The following NHSL1 variants were observed in gnomAD, a reference collection of about 807,000 sequenced individuals.
NHSL1 encodes the protein NHS-like protein 1.
A neutral mutation model predicts 95.0 loss-of-function variants in NHSL1; 48 were observed. That is an observed-to-expected ratio of 0.51 (90% confidence interval 0.40 to 0.64). The LOEUF (loss-of-function observed/expected upper bound fraction) is 0.64. Among genes scored for constraint, NHSL1 ranks in the 30% least tolerant of loss-of-function variants. The pLI, the probability that NHSL1 is intolerant of heterozygous loss-of-function variation, is 0.00. For synonymous variants in NHSL1, 783 were observed against 833.9 expected, an observed-to-expected ratio of 0.94 and a Z score of 1.05; for missense variants, 1,971 against 2,077.7, an observed-to-expected ratio of 0.95 and a Z score of 1.00.
chr6:138,581,619 G>A (rs912912313), intron 1 of NHSL1, among the ~76,000 whole-genome samples: 1 of 147,874 alleles, frequency 6.8e-6, no homozygotes, highest in African/African-American at 2.5e-5. Context: ...TTGAACACAG[G>A]AGACTGAGAT....
intron 1 of NHSL1, among the ~76,000 whole-genome samples, chr6:138,604,332 G>A (rs1231490473): frequency 6.6e-6 from 1 of 152,214 alleles, no homozygotes; most frequent in African/African-American, 2.4e-5. Flanking sequence ...CCATGTATGA[G>A]AAGTAATCAT....
intron 5 of NHSL1, among the ~76,000 whole-genome samples, chr6:138,437,445 C>CACACAAAAAA (rs1434317225): frequency 1.8e-4 from 11 of 61,810 alleles, no homozygotes; most frequent in African/African-American, 6.9e-4. Flanking sequence ...CACACACACA[C>CACACAAAAAA]AAAAAAAAAA....
chr6:138,589,231 G>A (rs962054324), intron 1 of NHSL1, among the ~76,000 whole-genome samples: 2 of 152,192 alleles, frequency 1.3e-5, no homozygotes, highest in African/African-American at 2.4e-5. Flanking sequence ...GCGTTCATGG[G>A]ACAGTATGGG....
chr6:138,504,014 T>C (rs1296640437), upstream of NHSL1, among the ~76,000 whole-genome samples: 6 of 152,060 alleles, frequency 3.9e-5, no homozygotes, highest in African/African-American at 1.4e-4. Flanking sequence ...GAGGACTGCT[T>C]GAGGCCAGGT....
intron 3 of NHSL1, among the ~76,000 whole-genome samples, chr6:138,458,373 CGT>C (rs1777760191): frequency 6.6e-6 from 1 of 152,158 alleles, no homozygotes; most frequent in Admixed American, 6.5e-5. Flanking sequence ...CTTCCTTAGT[CGT>C]CTCTCTCCTC....
intron 3 of NHSL1, among the ~76,000 whole-genome samples, chr6:138,458,853 A>AAAAAC (rs1480087893): frequency 2.0e-5 from 3 of 150,502 alleles, no homozygotes; most frequent in African/African-American, 7.4e-5. Flanking sequence ...AAAAAAAAAA[A>AAAAAC]CCCAGAAAAA....
chr6:138,433,749 C>G, intron 5 of NHSL1, 69 bp from the exon 6 acceptor site: 1 of 1,388,246 alleles, frequency 7.2e-7, no homozygotes, highest in Non-Finnish European at 9.4e-7. Context: ...TGTACCCTCA[C>G]CCCTCTGACA....
chr6:138,573,182 C>A (rs1473958503), upstream of NHSL1, among the ~76,000 whole-genome samples: 4 of 152,212 alleles, frequency 2.6e-5, no homozygotes, highest in African/African-American at 9.7e-5. Context: ...TAGCTGCAGG[C>A]TCTAGCCCTG....
At chr6:138,525,304 C>T (rs1781853472) in intron 1 of NHSL1, among the ~76,000 whole-genome samples, 1 of 151,962 alleles carries the variant, frequency 6.6e-6, no homozygotes, top group African/African-American at 2.4e-5. Flanking sequence ...AGTGTACACA[C>T]TTCTTGAGCC....
intron 1 of NHSL1, among the ~76,000 whole-genome samples, chr6:138,511,249 G>A (rs915196684): frequency 2.0e-5 from 3 of 152,100 alleles, no homozygotes; most frequent in East Asian, 1.9e-4. Context: ...AGGCTTCCTC[G>A]TGTACCTAAC....
At chr6:138,568,792 T>C (rs1035644070) in intron 1 of NHSL1, among the ~76,000 whole-genome samples, 2 of 152,194 alleles carry the variant, frequency 1.3e-5, no homozygotes, top group Non-Finnish European at 2.9e-5. Flanking sequence ...AAAAAGATTC[T>C]CAAAAGAAAA....
chr6:138,422,289 A>T lies in NHSL1; in HGVS notation c.*1792T>A, dbSNP rs181413617. 6.6e-6 allele frequency: 1 copy of T among 152,366 alleles called. No individual in the cohort carries two copies. Among genetic ancestry groups the T allele is most frequent in the African/African-American group, 2.4e-5 (1 of 41,576 alleles). 9.4% of individuals were successfully genotyped at this position (152,366 alleles called of 1,614,324 possible). On this transcript the variant is annotated 3_prime_UTR_variant, in exon 8 of 8. Coordinates refer to ENST00000343505, the MANE Select transcript of NHSL1 (RefSeq NM_001144060.2). ...AAAGAAACGATCTTTGTGCCAAATTAGTAGACAATTGCTCCAAATCTCTGG... is the reference window on the plus strand; with the variant it reads ...AAAGAAACGATCTTTGTGCCAAATTTGTAGACAATTGCTCCAAATCTCTGG...
At chr6:138,445,661 G>A (rs1157173718) in intron 4 of NHSL1, among the ~76,000 whole-genome samples, 7 of 151,804 alleles carry the variant, frequency 4.6e-5, no homozygotes, top group African/African-American at 7.3e-5. Context: ...AAAAATCTTC[G>A]GTGACTATGA....
Position 138,622,785 on chromosome 6 carries a change from C to T in NHSL1, c.96+69691G>A, listed in dbSNP as rs142141401. Among the ~76,000 whole-genome samples, 731 of 152,284 alleles carry T rather than the reference C, an allele frequency of 4.8e-3. 23 individuals carry two copies. The highest frequency in any genetic ancestry group is 0.043 in the Admixed American group (664 of 15,300). ...TACTCACTATAATTATCAGAGCCTA[C>T]GCTTGGTACACCAGATATCAGAGAT... On this transcript the variant is annotated intron_variant, in intron 1 of 3. Transcript: ENST00000491526.
At chr6:138,439,731 C>T (rs549273255) in intron 5 of NHSL1, among the ~76,000 whole-genome samples, 5 of 152,220 alleles carry the variant, frequency 3.3e-5, no homozygotes, top group African/African-American at 9.6e-5. Flanking sequence ...GTCATGTCAT[C>T]GACCGTAATG....
At chr6:138,563,729 T>G (rs991886095) in intron 1 of NHSL1, among the ~76,000 whole-genome samples, 3 of 152,034 alleles carry the variant, frequency 2.0e-5, no homozygotes, top group Non-Finnish European at 4.4e-5. Context: ...AAGGAGGCAA[T>G]GGGGTAAGGG....
In NHSL1 at chr6:138,486,373, T is replaced by C. The variant is rs143593986; in HGVS notation, c.211+9846A>G. ...TCTTATCTCAGGAAATCTGGCTTCT[T>C]AATCTAAAGACTTCCTTGAAACTGC... On this transcript the variant is annotated intron_variant, in intron 2 of 7. Coordinates refer to ENST00000343505, the MANE Select transcript of NHSL1 (RefSeq NM_001144060.2). Among the ~76,000 whole-genome samples the C allele has an allele frequency of 6.8e-4, 103 of 152,322 alleles. No individual in the cohort carries two copies. The East Asian group carries it at 0.019, about 28-fold the overall frequency.
rs1489133005 is a variant in NHSL1 at position 138,467,328 on chromosome 6, A to AT, written c.339+5977dup. Reference sequence around the variant, plus strand: ...CCACCTCGCCTGGCTAATTTTTTGTATTTTTAGTAGAGACGGGGTTTTGCC... The same window carrying AT: ...CCACCTCGCCTGGCTAATTTTTTGTATTTTTTAGTAGAGACGGGGTTTTGCC... On this transcript the variant is annotated intron_variant, in intron 3 of 7. Transcript: ENST00000343505. Among the ~76,000 whole-genome samples the AT allele has an allele frequency of 2.6e-5, 4 of 151,854 alleles. No individual in the cohort carries two copies. The East Asian group carries it at 7.8e-4, about 30-fold the overall frequency.
chr6:138,595,777 G>A (rs1027673788), intron 1 of NHSL1, among the ~76,000 whole-genome samples: 18 of 152,088 alleles, frequency 1.2e-4, no homozygotes, highest in South Asian at 2.1e-4. Flanking sequence ...GAAAGATTTC[G>A]GAAACAAAAC....
Sources: gnomAD v4.1 joint callset for allele counts (sites outside exome capture counted in the v4.1 genomes callset) on GRCh38, gnomAD v4.1.1 for gene constraint, MANE v1.5 for transcripts, NCBI Gene and HGNC (gene_info 2026-07-23, HGNC 2026-07-21) for gene names.